The following HELLS variants were observed in gnomAD, a reference collection of about 807,000 sequenced individuals.
HELLS encodes the protein helicase, lymphoid specific.
Under a neutral mutation model 120.0 loss-of-function variants are expected in HELLS, and 32 were observed. That is an observed-to-expected ratio of 0.27 (90% confidence interval 0.20 to 0.36). The LOEUF (loss-of-function observed/expected upper bound fraction) is 0.36. Ranked by LOEUF, HELLS falls within the 10% of genes least tolerant of loss-of-function variation. HELLS has a pLI of 1.00. For missense variants in HELLS, 650 were observed against 993.4 expected (o/e 0.65, Z 4.65); for synonymous variants, 341 against 323.4 (o/e 1.05, Z -0.58).
At chr10:94,570,333 A>T (rs1844077787) in intron 6 of HELLS, 1 of 152,094 alleles carries the variant, frequency 6.6e-6, no homozygotes, top group African/African-American at 2.4e-5. Context: ...CAAAAGTTTC[A>T]TTTTATCTAG....
chr10:94,559,680 A>G (rs1276155226), intron 4 of HELLS, among the ~76,000 whole-genome samples: 2 of 151,678 alleles, frequency 1.3e-5, no homozygotes, highest in Non-Finnish European at 2.9e-5. Flanking sequence ...TCCTGACCTC[A>G]TGATCCACCC....
At chr10:94,548,768 T>C (rs1589694393) in intron 2 of HELLS, among the ~76,000 whole-genome samples, 3 of 151,858 alleles carry the variant, frequency 2.0e-5, no homozygotes, top group Admixed American at 1.3e-4. Flanking sequence ...CCGAGGCGGG[T>C]GGATCACCTG....
rs188308752 is a variant in HELLS, at chr10:94,552,167, G to C, written c.154-1959G>C. On this transcript the variant is annotated intron_variant, in intron 2 of 21. Transcript: ENST00000348459. ...TGACTTTGTGTTTTTACTAATCCTT[G>C]TTGAAAAGTAGAGGAATTGGTTTAG... is the stretch of plus-strand genomic sequence containing the variant. Among the ~76,000 whole-genome samples, 235 of 152,298 alleles carry C rather than the reference G, an allele frequency of 1.5e-3. 1 individual carries two copies. Among genetic ancestry groups the C allele is most frequent in the Non-Finnish European group, 2.7e-3 (186 of 68,036 alleles).
Position 94,607,982 on chromosome 10 carries a change from C to T in HELLS, c.890C>T (p.Ser297Phe), listed in dbSNP as rs562239435. Residue 297 changes from serine (S) to phenylalanine (F), a missense_variant, in exon 9 of 10, where the codon TCC (serine) becomes TTC (phenylalanine). Physicochemically the swap from Ser to Phe is radical, Grantham distance 155. Coordinates refer to the HELLS transcript ENST00000371327. ...TCAGGTGATCTGCCCACCTCGGCCT[C>T]CCAAAGTGCTGGGATTACAAGCGTG... 5.8e-4 allele frequency: 233 copies of T among 402,606 alleles called. 1 individual carries two copies. The highest frequency in any genetic ancestry group is 7.0e-4 in the Non-Finnish European group (138 of 198,486). 24.9% of individuals were successfully genotyped at this position (402,606 alleles called of 1,614,324 possible).
At chr10:94,590,900 T>A in intron 15 of HELLS, 124 bp downstream of exon 15, 1 of 538,376 alleles carries the variant, frequency 1.9e-6, no homozygotes. Context: ...ATGAAGATTG[T>A]AATCCTTCAG....
intron 21 of HELLS, among the ~76,000 whole-genome samples, chr10:94,598,882 C>T (rs1162457907): frequency 6.6e-6 from 1 of 151,966 alleles, no homozygotes; most frequent in Non-Finnish European, 1.5e-5. Context: ...GAATTTTCAT[C>T]TTTTTGCATG....
intron 18 of HELLS, among the ~76,000 whole-genome samples, chr10:94,593,869 G>A (rs1481610827): frequency 1.3e-5 from 2 of 151,916 alleles, no homozygotes; most frequent in African/African-American, 4.8e-5. Context: ...TGCCATGTTG[G>A]CCAGGCTCTC....
Position 94,578,798 on chromosome 10 carries a change from G to T in HELLS, c.1032+1993G>T, listed in dbSNP as rs112377480. Among the ~76,000 whole-genome samples, 456 of 152,280 alleles carry T rather than the reference G, an allele frequency of 3.0e-3. 1 individual carries two copies. The highest frequency in any genetic ancestry group is 0.011 in the African/African-American group (439 of 41,556). ...GACAGTGACAAATCATCCACCATTAGATTTTTATAAGGAGCGCACAACCCA... is the reference window on the plus strand; with the variant it reads ...GACAGTGACAAATCATCCACCATTATATTTTTATAAGGAGCGCACAACCCA... On this transcript the variant is annotated intron_variant, in intron 10 of 21. Transcript: ENST00000348459.
intron 2 of HELLS, 92 bp from the exon 3 acceptor site, chr10:94,554,034 G>A: frequency 9.2e-7 from 1 of 1,084,430 alleles, no homozygotes; most frequent in African/African-American, 1.7e-5. Context: ...TTTAAAAAAT[G>A]TTATTTTAGC....
At chr10:94,612,673 C>G (rs1846204899) in exon 10 of HELLS, 1 of 152,232 alleles carries the variant, frequency 6.6e-6, no homozygotes. Context: ...TGCCTGTAAT[C>G]CCAGCATTTT....
chr10:94,602,379 A>G (rs1846070006), downstream of HELLS, among the ~76,000 whole-genome samples: 1 of 152,230 alleles, frequency 6.6e-6, no homozygotes, highest in African/African-American at 2.4e-5. Flanking sequence ...AGAACCAAAT[A>G]TAAGAGAATA....
chr10:94,594,892 G>C, intron 19 of HELLS, 38 bp downstream of exon 19: 1 of 1,447,952 alleles, frequency 6.9e-7, no homozygotes, highest in Non-Finnish European at 9.6e-7. Context: ...TGTTTAAATT[G>C]TGCATTGTGT....
rs551117165 is a variant in HELLS, at chr10:94,571,646, A to T, written c.477+217A>T. 3.9e-5 allele frequency among the ~76,000 whole-genome samples: 6 copies of T among 152,314 alleles called. No individual in the cohort carries two copies. The South Asian group carries it at 1.2e-3, about 32-fold the overall frequency. ...TGTTTTATTGCATGATTCTTGATGTATAAATGTTAATTTATGGGTCTAGCA... is the reference window on the plus strand; with the variant it reads ...TGTTTTATTGCATGATTCTTGATGTTTAAATGTTAATTTATGGGTCTAGCA... On this transcript the variant is annotated intron_variant, in intron 7 of 21. Transcript: ENST00000348459.
rs528169493 is a variant in HELLS, at chr10:94,568,629, T to C, written c.436-2759T>C. Among the ~76,000 whole-genome samples the C allele has an allele frequency of 1.6e-4, 24 of 152,326 alleles. 1 individual carries two copies. In the South Asian group the frequency reaches 4.6e-3, roughly 29 times the overall value. ...TTTTCTGAAACTCAAATATAATTAC[T>C]CATAACCTCCATTACTTTTTATGGT... On this transcript the variant is annotated intron_variant, in intron 6 of 21. Transcript: ENST00000348459.
At chr10:94,608,014 T>C in exon 9 of HELLS, 1 of 304,244 alleles carries the variant, frequency 3.3e-6, no homozygotes, top group Non-Finnish European at 6.7e-6. Flanking sequence ...CGTGAGCCAC[T>C]GCGTGGCCTG....
Position 94,574,094 on chromosome 10 carries a change from G to A in HELLS, c.612G>A (p.Lys204=). The change falls in exon 8 of 22, where the codon AAG becomes AAA. Residue 204 remains lysine, a synonymous_variant. Coordinates refer to ENST00000348459, the MANE Select transcript of HELLS (RefSeq NM_018063.5). ...NTKFFFDPVR[K]CNGQPVPFQQ... ...AATTCTTTTTTGACCCAGTCCGGAA[G>A]TGTAATGGTCAGCCAGTACCTTTTC... 1.9e-6 allele frequency: 3 copies of A among 1,614,062 alleles called. No individual in the cohort carries two copies. The highest frequency in any genetic ancestry group is 2.5e-6 in the Non-Finnish European group (3 of 1,179,968).
chr10:94,594,611 T>A lies in HELLS; in HGVS notation c.2089-84T>A, dbSNP rs1474112790. The A allele has an allele frequency of 3.0e-6, 3 of 1,011,536 alleles. No individual in the cohort carries two copies. The African/African-American group carries it at 4.9e-5, about 16-fold the overall frequency. The allele number at this position is 1,011,536 out of a possible 1,614,324, so 62.7% of individuals were successfully genotyped here. On this transcript the variant is annotated intron_variant, in intron 18 of 21. Transcript: ENST00000348459. Reference sequence around the variant, plus strand: ...CACTATTTAAAAGTTCCTGGCTAGATCATTCATGTTGACTTTATCCACATG... The same window carrying A: ...CACTATTTAAAAGTTCCTGGCTAGAACATTCATGTTGACTTTATCCACATG...
chr10:94,575,997 A>G (rs995684908), intron 9 of HELLS, among the ~76,000 whole-genome samples: 1 of 151,912 alleles, frequency 6.6e-6, no homozygotes, highest in Non-Finnish European at 1.5e-5. Context: ...GGGTTTCTCC[A>G]TGTTGGTCAG....
At chr10:94,609,187 C>T (rs1271322745) in intron 9 of HELLS, among the ~76,000 whole-genome samples, 3 of 151,880 alleles carry the variant, frequency 2.0e-5, no homozygotes, top group Non-Finnish European at 2.9e-5. Context: ...CCACGCCCGG[C>T]GAGTTTTGTA....
Sources: allele counts gnomAD v4.1 joint callset (sites outside exome capture counted in the v4.1 genomes callset), GRCh38; gene constraint gnomAD v4.1.1; transcripts MANE v1.5; gene names NCBI Gene and HGNC (gene_info 2026-07-23, HGNC 2026-07-21).